PCDH15: variants seen among roughly 807,000 people sequenced by gnomAD.
The protein encoded by PCDH15 is protocadherin related 15.
PCDH15 carries 129 observed loss-of-function variants against 178.5 expected under a neutral mutation model. That is an observed-to-expected ratio of 0.72 (90% CI 0.63 to 0.84). The LOEUF is 0.84. Among genes scored for constraint, PCDH15 ranks in the 40% least tolerant of loss-of-function variants. The pLI, the probability that PCDH15 is intolerant of heterozygous loss-of-function variation, is 0.00. For synonymous variants in PCDH15, 800 were observed against 732.0 expected (o/e 1.09, Z -1.50); for missense variants, 2,230 against 2,099.9 (o/e 1.06, Z -1.21).
chr10:55,518,822 G>T (rs879387010), intron 2 of PCDH15, among the ~76,000 whole-genome samples: 1 of 151,904 alleles, frequency 6.6e-6, no homozygotes, highest in Non-Finnish European at 1.5e-5. Flanking sequence ...GGGCCGGGGC[G>T]TGGTGGCTCA....
intron 2 of PCDH15, among the ~76,000 whole-genome samples, chr10:55,003,707 G>A (rs1950139): frequency 0.47 from 71,036 of 152,030 alleles, 18,270 homozygotes; most frequent in East Asian, 0.75. Context: ...CTGAAATGTC[G>A]TGTTTTCAGA....
At chr10:53,965,199 A>C (rs1176316331) in intron 21 of PCDH15, among the ~76,000 whole-genome samples, 2 of 151,862 alleles carry the variant, frequency 1.3e-5, no homozygotes, top group Non-Finnish European at 2.9e-5. Context: ...CTGGGACTAC[A>C]CGAGCCCGCC....
chr10:55,404,016 T>A (rs1169364237), intron 2 of PCDH15, among the ~76,000 whole-genome samples: 2 of 152,064 alleles, frequency 1.3e-5, no homozygotes, highest in Non-Finnish European at 2.9e-5. Flanking sequence ...TTAAAGTTGC[T>A]GGATGGTTGT....
chr10:53,917,545 G>A (rs2083626088), intron 25 of PCDH15, among the ~76,000 whole-genome samples: 1 of 152,114 alleles, frequency 6.6e-6, no homozygotes, highest in Non-Finnish European at 1.5e-5. Context: ...AAAGATACAT[G>A]GGCTGTAGTT....
intron 2 of PCDH15, among the ~76,000 whole-genome samples, chr10:54,587,823 G>T (rs1382840611): frequency 6.6e-6 from 1 of 152,050 alleles, no homozygotes; most frequent in Non-Finnish European, 1.5e-5. Flanking sequence ...TGAAAATAAT[G>T]ATGCAAAAAA....
chr10:53,851,008 T>C (rs955009327), intron 28 of PCDH15, among the ~76,000 whole-genome samples: 1 of 152,152 alleles, frequency 6.6e-6, no homozygotes, highest in Admixed American at 6.5e-5. Context: ...AAGTGATCTA[T>C]CAGGTCCTAG....
At chr10:55,210,589 T>C (rs1564895276) in intron 1 of PCDH15, among the ~76,000 whole-genome samples, 1 of 146,504 alleles carries the variant, frequency 6.8e-6, no homozygotes, top group Non-Finnish European at 1.5e-5. Flanking sequence ...TGAATTTGGC[T>C]CTCACGATTT....
chr10:54,949,610 A>T, intron 2 of PCDH15, among the ~76,000 whole-genome samples: 1 of 152,006 alleles, frequency 6.6e-6, no homozygotes. Context: ...CAAATTTTTC[A>T]AATTTTTATG....
intron 2 of PCDH15, among the ~76,000 whole-genome samples, chr10:55,052,994 G>T (rs1841204110): frequency 6.6e-6 from 1 of 152,108 alleles, no homozygotes; most frequent in South Asian, 2.1e-4. Flanking sequence ...TGTTGACATT[G>T]TTTAAATGTA....
chr10:54,263,604 T>C (rs563191418), intron 8 of PCDH15, among the ~76,000 whole-genome samples: 20 of 152,150 alleles, frequency 1.3e-4, no homozygotes, highest in African/African-American at 4.6e-4. Context: ...AAGCAACATC[T>C]ATGAAAGCCA....
intron 3 of PCDH15, among the ~76,000 whole-genome samples, chr10:54,401,451 T>C (rs1745194328): frequency 6.6e-6 from 1 of 151,938 alleles, no homozygotes; most frequent in South Asian, 2.1e-4. Flanking sequence ...GTAACCTCAT[T>C]AGAAATAACT....
At chr10:54,586,335 T>A (rs1401837907) in intron 2 of PCDH15, among the ~76,000 whole-genome samples, 1 of 152,200 alleles carries the variant, frequency 6.6e-6, no homozygotes, top group Non-Finnish European at 1.5e-5. Flanking sequence ...GGCCTTTTGC[T>A]ACACAATGAG....
chr10:54,258,185 T>G (rs920244176), intron 8 of PCDH15, among the ~76,000 whole-genome samples: 1 of 152,136 alleles, frequency 6.6e-6, no homozygotes, highest in African/African-American at 2.4e-5. Context: ...AAATCCTGTA[T>G]AGCCAAAGGG....
chr10:55,591,232 A>G (rs758845542), intron 2 of PCDH15, among the ~76,000 whole-genome samples: 5 of 152,080 alleles, frequency 3.3e-5, no homozygotes, highest in Admixed American at 6.6e-5. Flanking sequence ...CAGAAGTTTG[A>G]GAACAGCCTG....
At chr10:54,545,610 C>G (rs1037461483) in intron 2 of PCDH15, among the ~76,000 whole-genome samples, 2 of 151,692 alleles carry the variant, frequency 1.3e-5, no homozygotes, top group Non-Finnish European at 2.9e-5. Flanking sequence ...AATGGAAAGC[C>G]AATATACCAA....
At chr10:55,268,658 T>TA (rs914605037) in intron 1 of PCDH15, among the ~76,000 whole-genome samples, 14 of 152,110 alleles carry the variant, frequency 9.2e-5, no homozygotes, top group Non-Finnish European at 1.8e-4. Context: ...ATTTTTAATA[T>TA]AAAAAACTAT....
At chr10:55,419,814 T>G (rs565131937) in intron 2 of PCDH15, among the ~76,000 whole-genome samples, 1 of 151,642 alleles carries the variant, frequency 6.6e-6, no homozygotes, top group African/African-American at 2.4e-5. Context: ...CTGCAAAGAT[T>G]AAAATGTATA....
chr10:53,926,632 T>C (rs1486924638), intron 25 of PCDH15, among the ~76,000 whole-genome samples: 1 of 152,216 alleles, frequency 6.6e-6, no homozygotes, highest in Admixed American at 6.5e-5. Flanking sequence ...ATTTTAAATT[T>C]ATACAACCAA....
chr10:55,522,934 G>T (rs998752704), intron 2 of PCDH15, among the ~76,000 whole-genome samples: 1 of 151,352 alleles, frequency 6.6e-6, no homozygotes, highest in Non-Finnish European at 1.5e-5. Context: ...TTTTGTAGTG[G>T]TATATTTTGA....
Sources: allele counts gnomAD v4.1 joint callset (sites outside exome capture counted in the v4.1 genomes callset), GRCh38; gene constraint gnomAD v4.1.1; transcripts MANE v1.5; gene names NCBI Gene and HGNC (gene_info 2026-07-23, HGNC 2026-07-21).